The following MCCC1 variants were observed in gnomAD, a reference collection of about 807,000 sequenced individuals.
MCCC1 encodes methylcrotonyl-CoA carboxylase subunit 1.
Under a neutral mutation model 83.8 loss-of-function variants are expected in MCCC1, and 64 were observed. The observed-to-expected ratio is 0.76, with a 90% CI of 0.62 to 0.94. MCCC1 has a LOEUF of 0.94. Ranked by LOEUF, MCCC1 falls within the 40% of genes least tolerant of loss-of-function variation. The pLI, the probability that MCCC1 is intolerant of heterozygous loss-of-function variation, is 0.00. For synonymous variants in MCCC1, 322 were observed against 315.4 expected, an observed-to-expected ratio of 1.02 and a Z score of -0.22; for missense variants, 807 against 904.7, an observed-to-expected ratio of 0.89 and a Z score of 1.39.
chr3:183,049,525 T>C (rs563353114), intron 9 of MCCC1, among the ~76,000 whole-genome samples: 3 of 147,584 alleles, frequency 2.0e-5, no homozygotes, highest in African/African-American at 7.5e-5. Context: ...TGAGCCAAGA[T>C]CTCACCATTG....
At chr3:183,101,160 C>T (rs59755975), upstream of MCCC1, among the ~76,000 whole-genome samples, 3,729 of 152,358 alleles carry the variant, frequency 0.024, 130 homozygotes, top group African/African-American at 0.071. Context: ...ACCTGCAGCC[C>T]GCCATGCCTG....
intron 1 of MCCC1, among the ~76,000 whole-genome samples, chr3:183,109,343 C>T (rs749189771): frequency 6.6e-6 from 1 of 152,080 alleles, no homozygotes; most frequent in Non-Finnish European, 1.5e-5. Context: ...GTTTAGCGTA[C>T]AAATGATCCC....
chr3:183,037,268 A>G lies in MCCC1; in HGVS notation c.1544T>C (p.Leu515Pro), dbSNP rs763144672. The G allele has an allele frequency of 4.3e-6, 7 of 1,614,132 alleles. No individual in the cohort carries two copies. Among genetic ancestry groups the G allele is most frequent in the Non-Finnish European group, 4.2e-6 (5 of 1,180,038 alleles). Residue 515 changes from leucine (L) to proline (P), a missense_variant, in exon 13 of 19, where the codon CTC (leucine) becomes CCC (proline). Transcript: ENST00000265594. ...KESLCQAALG[L>P]ILKEKAMTDT... ...GGTCATGGCTTTCTCCTTGAGGATGAGACCCAGGGCTGCCTGGCATAAAGA... is the reference window on the plus strand; with the variant it reads ...GGTCATGGCTTTCTCCTTGAGGATGGGACCCAGGGCTGCCTGGCATAAAGA...
intron 7 of MCCC1, among the ~76,000 whole-genome samples, chr3:183,066,415 G>A (rs1434399095): frequency 6.6e-6 from 1 of 151,976 alleles, no homozygotes; most frequent in African/African-American, 2.4e-5. Flanking sequence ...AGTGATTCTC[G>A]TGCCTCAGCC....
chr3:183,034,618 A>T (rs190832332), intron 13 of MCCC1, among the ~76,000 whole-genome samples: 3 of 152,198 alleles, frequency 2.0e-5, no homozygotes, highest in African/African-American at 7.2e-5. Context: ...TTGCAATCTA[A>T]ACTCTAATCC....
chr3:183,088,212 T>G (rs1219672698), intron 3 of MCCC1, among the ~76,000 whole-genome samples: 16 of 147,142 alleles, frequency 1.1e-4, no homozygotes, highest in African/African-American at 3.3e-4. Flanking sequence ...TGTTGTGTGT[T>G]TTTTTTTTTT....
intron 14 of MCCC1, among the ~76,000 whole-genome samples, chr3:183,033,105 C>T (rs1444802520): frequency 6.6e-6 from 1 of 152,196 alleles, no homozygotes; most frequent in Non-Finnish European, 1.5e-5. Context: ...CCCACACAAA[C>T]TGTCTCACAG....
chr3:183,072,005 C>T (rs1056404231), intron 5 of MCCC1, among the ~76,000 whole-genome samples: 1 of 151,308 alleles, frequency 6.6e-6, no homozygotes, highest in Non-Finnish European at 1.5e-5. Flanking sequence ...AGATGCTGGA[C>T]CCACAGGCAC....
intron 4 of MCCC1, among the ~76,000 whole-genome samples, chr3:183,085,523 G>A (rs1717826801): frequency 6.6e-6 from 1 of 151,750 alleles, no homozygotes; most frequent in South Asian, 2.1e-4. Flanking sequence ...CAGCTACCTG[G>A]GAGGCTGAAG....
chr3:183,045,924 C>T (rs141747569), intron 9 of MCCC1, among the ~76,000 whole-genome samples: 393 of 152,190 alleles, frequency 2.6e-3, no homozygotes, highest in South Asian at 8.5e-3. Flanking sequence ...CTTTTTTTTC[C>T]CTGATTGTGG....
In MCCC1 at chr3:183,025,071, C is replaced by T. The variant is rs34132711; in HGVS notation, c.1731+684G>A. ...CAGAAGGACAAATACTACATTATTC[C>T]GCTTATATCAGGTACCTAGAGTAGT... On this transcript the variant is annotated intron_variant, in intron 15 of 18. Coordinates refer to ENST00000265594, the MANE Select transcript of MCCC1 (RefSeq NM_020166.5). 6.7e-3 allele frequency among the ~76,000 whole-genome samples: 1,018 copies of T among 152,066 alleles called. 12 individuals are homozygous for T. Among genetic ancestry groups the T allele is most frequent in the South Asian group, 0.018 (86 of 4,824 alleles).
chr3:183,103,824 C>G (rs76063785), upstream of MCCC1, among the ~76,000 whole-genome samples: 2 of 152,194 alleles, frequency 1.3e-5, no homozygotes, highest in Non-Finnish European at 2.9e-5. Flanking sequence ...AGGCTCGGGC[C>G]GCACAAGAGC....
chr3:183,096,246 G>C (rs1718725330), intron 1 of MCCC1, among the ~76,000 whole-genome samples: 1 of 152,048 alleles, frequency 6.6e-6, no homozygotes, highest in Admixed American at 6.6e-5. Context: ...TGAGGCAGGA[G>C]TATCACTTGA....
Position 183,022,495 on chromosome 3 carries a change from G to A in MCCC1, c.1791C>T (p.Tyr597=), listed in dbSNP as rs1712238316. ...CAACTCCATTAACAGAACATTTCAGGTAAGTGCAGTCTCCCTCGCTGTAAA... is the reference window on the plus strand; with the variant it reads ...CAACTCCATTAACAGAACATTTCAGATAAGTGCAGTCTCCCTCGCTGTAAA... The part of the protein sequence containing the change: ...GNLYSEGDCT[Y]LKCSVNGVAS... Residue 597 remains tyrosine (Y), a synonymous_variant, in exon 16 of 19, where the codon TAC becomes TAT. Coordinates refer to ENST00000265594, the MANE Select transcript of MCCC1 (RefSeq NM_020166.5). 1 of 1,613,834 alleles carries A rather than the reference G, an allele frequency of 6.2e-7. No individual in the cohort carries two copies. The highest frequency in any genetic ancestry group is 1.1e-5 in the South Asian group (1 of 91,080).
intron 4 of MCCC1, among the ~76,000 whole-genome samples, chr3:183,085,959 C>T (rs1056165893): frequency 6.6e-6 from 1 of 152,226 alleles, no homozygotes; most frequent in African/African-American, 2.4e-5. Flanking sequence ...GGCAGGGCCC[C>T]TCCACAGATC....
At chr3:183,100,527 A>G (rs959013284), upstream of MCCC1, among the ~76,000 whole-genome samples, 3 of 152,266 alleles carry the variant, frequency 2.0e-5, no homozygotes, top group Non-Finnish European at 4.4e-5. Context: ...TCTGTCCCAG[A>G]GCACAAAAAA....
At chr3:183,085,582 T>C (rs974638369) in intron 4 of MCCC1, among the ~76,000 whole-genome samples, 4 of 146,768 alleles carry the variant, frequency 2.7e-5, no homozygotes, top group African/African-American at 5.1e-5. Flanking sequence ...CGAGCCATGA[T>C]TGTGCCACTG....
intron 10 of MCCC1, among the ~76,000 whole-genome samples, chr3:183,042,857 T>C (rs1377809151): frequency 6.6e-6 from 1 of 152,206 alleles, no homozygotes; most frequent in Non-Finnish European, 1.5e-5. Flanking sequence ...GAACCAGAAA[T>C]ACCATTTGAC....
intron 4 of MCCC1, among the ~76,000 whole-genome samples, chr3:183,078,045 A>G (rs941430379): frequency 6.6e-6 from 1 of 152,182 alleles, no homozygotes; most frequent in African/African-American, 2.4e-5. Context: ...TTTGAGACAG[A>G]GCCTCGCAGT....
Sources: allele counts gnomAD v4.1 joint callset (sites outside exome capture counted in the v4.1 genomes callset), GRCh38; gene constraint gnomAD v4.1.1; transcripts MANE v1.5; gene names NCBI Gene and HGNC (gene_info 2026-07-23, HGNC 2026-07-21).